The following SRC variants were observed in gnomAD, a reference collection of about 807,000 sequenced individuals.
SRC encodes the protein proto-oncogene tyrosine-protein kinase Src.
SRC carries 13 observed loss-of-function variants against 62.9 expected under a neutral mutation model. The observed-to-expected ratio is 0.21, with a 90% confidence interval of 0.13 to 0.33. The LOEUF (loss-of-function observed/expected upper bound fraction) is 0.33, where lower values mean the gene tolerates loss of function less well. Among genes scored for constraint, SRC ranks in the 10% least tolerant of loss-of-function variants. The pLI, the probability that SRC is intolerant of heterozygous loss-of-function variation, is 1.00. For missense variants in SRC, 457 were observed against 737.3 expected (o/e 0.62, Z 4.40); for synonymous variants, 302 against 317.5 (o/e 0.95, Z 0.52).
chr20:37,396,026 G>A lies in SRC; in HGVS notation c.554-136G>A. 1 of 1,277,728 alleles carries A rather than the reference G, an allele frequency of 7.8e-7. No homozygotes were observed. Among genetic ancestry groups the A allele is most frequent in the Non-Finnish European group, 1.1e-6 (1 of 938,680 alleles). The allele number at this position is 1,277,728 out of a possible 1,614,324, so 79.1% of individuals were successfully genotyped here. Reference sequence around the variant, plus strand: ...TGTGGCTGCCCCGGGGCTGGCTGTTGAGAGACAGGGTGGGCCTGGGGCCCC... The same window carrying A: ...TGTGGCTGCCCCGGGGCTGGCTGTTAAGAGACAGGGTGGGCCTGGGGCCCC... On this transcript the variant is annotated intron_variant, in intron 7 of 13. Transcript: ENST00000373578. The surrounding 1 kb of genome is among the most constrained non-coding windows in gnomAD (Gnocchi z 6.1).
chr20:37,365,068 G>T (rs2070040202), intron 1 of SRC, 136 bp from the exon 2 acceptor site: 1 of 152,214 alleles, frequency 6.6e-6, no homozygotes, highest in Non-Finnish European at 1.5e-5. Context: ...CATAGTAACA[G>T]ATGAATGGCA....
chr20:37,357,801 C>T (rs934690924), intron 1 of SRC, among the ~76,000 whole-genome samples: 5 of 152,160 alleles, frequency 3.3e-5, no homozygotes, highest in South Asian at 2.1e-4. Flanking sequence ...ATGGCTGAGT[C>T]CTGAAGACCT....
chr20:37,372,642 G>A (rs746043294), intron 2 of SRC, among the ~76,000 whole-genome samples: 8 of 152,106 alleles, frequency 5.3e-5, no homozygotes, highest in Non-Finnish European at 1.0e-4. Flanking sequence ...TGAGAAGAAC[G>A]TGTATCTGCT....
In SRC at chr20:37,394,193, A is replaced by C; in HGVS notation, c.469A>C (p.Thr157Pro). 6.2e-7 allele frequency: 1 copy of C among 1,614,030 alleles called. No homozygotes were observed. The highest frequency in any genetic ancestry group is 8.5e-7 in the Non-Finnish European group (1 of 1,180,028). Residue 157 changes from threonine to proline, a missense_variant, in exon 7 of 14, where the codon ACC (threonine) becomes CCC (proline). Physicochemically the swap from Thr to Pro is conservative, Grantham distance 38. Around this residue, in one of 4 missense-constraint regions of SRC, gnomAD observed 141 missense variants for 198.4 expected, o/e 0.71. Coordinates refer to ENST00000373578, the MANE Select transcript of SRC (RefSeq NM_198291.3). The stretch of plus-strand genomic sequence containing the variant: ...CCCCAGGTGGTATTTTGGCAAGATC[A>C]CCAGACGGGAGTCAGAGCGGTTACT... ...QAEEWYFGKITRRESERLLLN... is the reference protein window; with the variant it reads ...QAEEWYFGKIPRRESERLLLN...
Position 37,381,782 on chromosome 20 carries a change from A to AC in SRC, c.-172-835dup, listed in dbSNP as rs949833538. Among the ~76,000 whole-genome samples, 14 of 152,190 alleles carry AC rather than the reference A, an allele frequency of 9.2e-5. 1 individual carries two copies. Among genetic ancestry groups the AC allele is most frequent in the African/African-American group, 3.1e-4 (13 of 41,500 alleles). The stretch of plus-strand genomic sequence containing the variant: ...TGGGTGAGTGCTGATGGGTATCGTG[A>AC]CCTCAATGGAATAGGTTGCCATAGA... On this transcript the variant is annotated intron_variant, in intron 2 of 13. Coordinates refer to ENST00000373578, the MANE Select transcript of SRC (RefSeq NM_198291.3).
chr20:37,346,000 C>T (rs1442168797), upstream of SRC, among the ~76,000 whole-genome samples: 1 of 151,720 alleles, frequency 6.6e-6, no homozygotes, highest in Admixed American at 6.5e-5. Context: ...TTCCTCCTTC[C>T]TCCTCCTCCC....
intron 2 of SRC, among the ~76,000 whole-genome samples, chr20:37,369,298 T>C (rs1803114210): frequency 1.3e-5 from 2 of 152,244 alleles, no homozygotes; most frequent in Non-Finnish European, 2.9e-5. Context: ...TTCTGAGCCA[T>C]GAACACGGGA....
rs987215470 is a variant in SRC, at chr20:37,382,687, A to T, written c.-104A>T. ...GACACACAGCGGGGAGAGGTGGAGCAGGGCCTCTATTTCGAGACCCCTGAC... is the reference window on the plus strand; with the variant it reads ...GACACACAGCGGGGAGAGGTGGAGCTGGGCCTCTATTTCGAGACCCCTGAC... On this transcript the variant is annotated 5_prime_UTR_variant, in exon 3 of 14. Transcript: ENST00000373578. 6.6e-6 allele frequency: 1 copy of T among 152,352 alleles called. No individual in the cohort carries two copies. 9.4% of individuals were successfully genotyped at this position (152,352 alleles called of 1,614,324 possible).
chr20:37,367,673 A>G (rs1218563113), intron 2 of SRC, among the ~76,000 whole-genome samples: 1 of 150,404 alleles, frequency 6.6e-6, no homozygotes, highest in African/African-American at 2.5e-5. Flanking sequence ...TAGAGATAGG[A>G]TCTTACTCTG....
chr20:37,357,479 G>T (rs1292042363), intron 1 of SRC, among the ~76,000 whole-genome samples: 1 of 152,222 alleles, frequency 6.6e-6, no homozygotes, highest in Non-Finnish European at 1.5e-5. Context: ...TTTGGCCAGT[G>T]TCTGTTCTGA....
chr20:37,373,111 T>TGC (rs2070195842), intron 2 of SRC, among the ~76,000 whole-genome samples: 1 of 135,814 alleles, frequency 7.4e-6, no homozygotes, highest in African/African-American at 3.7e-5. Flanking sequence ...CACATATATG[T>TGC]ACACACACAT....
Position 37,405,526 on chromosome 20 carries a change from G to GA in SRC, c.*2148dup. The GA allele has an allele frequency of 5.6e-6, 1 of 179,028 alleles. No homozygotes were observed. Among genetic ancestry groups the GA allele is most frequent in the Non-Finnish European group, 1.2e-5 (1 of 83,390 alleles). The allele number at this position is 179,028 out of a possible 1,614,324, so 11.1% of individuals were successfully genotyped here. ...GGTCTTTGGGCAGCACTAGTAGCTGGAGGGCTTCAGGCCAAGGCAGGGGTG... is the reference window on the plus strand; with the variant it reads ...GGTCTTTGGGCAGCACTAGTAGCTGGAAGGGCTTCAGGCCAAGGCAGGGGTG... On this transcript the variant is annotated 3_prime_UTR_variant, in exon 14 of 14. Coordinates refer to ENST00000373578, the MANE Select transcript of SRC (RefSeq NM_198291.3).
At position 37,384,522 on chromosome 20, in the gene SRC, C is replaced by A; in HGVS notation, c.250+119C>A. ...GCCCTTCCTCTCGCCAGGGGTAGCG[C>A]CCCTGGGTGACTTGGGTGTCCGGGG... On this transcript the variant is annotated intron_variant, in intron 4 of 13. Transcript: ENST00000373578. This position sits in a 1 kb window ranked among gnomAD's most constrained non-coding sequence, Gnocchi z 6.7. 1.8e-6 allele frequency: 2 copies of A among 1,114,672 alleles called. No individual in the cohort carries two copies. Among genetic ancestry groups the A allele is most frequent in the Admixed American group, 9.0e-5 (2 of 22,196 alleles). 69.0% of individuals were successfully genotyped at this position (1,114,672 alleles called of 1,614,324 possible).
chr20:37,399,335 C>A (rs1250967316), intron 9 of SRC, among the ~76,000 whole-genome samples: 1 of 152,108 alleles, frequency 6.6e-6, no homozygotes, highest in Non-Finnish European at 1.5e-5. Flanking sequence ...CGGGTGGGCT[C>A]CAGAGGTGAC....
intron 1 of SRC, among the ~76,000 whole-genome samples, chr20:37,364,816 C>T (rs890591645): frequency 6.6e-6 from 1 of 152,224 alleles, no homozygotes; most frequent in Non-Finnish European, 1.5e-5. Flanking sequence ...CCCAGGAGTG[C>T]ACCACTGAGT....
At chr20:37,360,541 T>C (rs1316813701) in intron 1 of SRC, among the ~76,000 whole-genome samples, 1 of 152,074 alleles carries the variant, frequency 6.6e-6, no homozygotes, top group Non-Finnish European at 1.5e-5. Context: ...TGGCCTAACT[T>C]CTTAATATCA....
intron 1 of SRC, among the ~76,000 whole-genome samples, chr20:37,361,012 G>T (rs1360342186): frequency 6.6e-6 from 1 of 152,146 alleles, no homozygotes; most frequent in Non-Finnish European, 1.5e-5. Context: ...CCCAGAAAAG[G>T]GTGGCGGTCC....
chr20:37,363,590 G>A (rs2070011248), intron 1 of SRC, among the ~76,000 whole-genome samples: 1 of 152,216 alleles, frequency 6.6e-6, no homozygotes, highest in Non-Finnish European at 1.5e-5. Context: ...CTTGCTACAG[G>A]GCTGCTGGGA....
intron 2 of SRC, among the ~76,000 whole-genome samples, chr20:37,372,238 TCAGCCTCC>T (rs1412610559): frequency 7.2e-6 from 1 of 138,592 alleles, no homozygotes; most frequent in African/African-American, 3.1e-5. Flanking sequence ...TCCACCTGTC[TCAGCCTCC>T]CAGAGTGCTA....
Sources: allele counts gnomAD v4.1 joint callset (sites outside exome capture counted in the v4.1 genomes callset), GRCh38; gene constraint gnomAD v4.1.1; regional missense constraint gnomAD v4.1.1; non-coding constraint Gnocchi (gnomAD v3.1); transcripts MANE v1.5; gene names NCBI Gene and HGNC (gene_info 2026-07-23, HGNC 2026-07-21).